Variants in SDCCAG8 observed in about 807,000 individuals in gnomAD.
The protein encoded by SDCCAG8 is SHH signaling and ciliogenesis regulator SDCCAG8.
In SDCCAG8, 74 loss-of-function variants were observed where a neutral mutation model predicts 101.8. The observed-to-expected ratio is 0.73, with a 90% CI of 0.60 to 0.88. The LOEUF is 0.88. Among genes scored for constraint, SDCCAG8 ranks in the 40% least tolerant of loss-of-function variants. The pLI, the probability that SDCCAG8 is intolerant of heterozygous loss-of-function variation, is 0.00. For synonymous variants in SDCCAG8, 281 were observed against 292.9 expected, an observed-to-expected ratio of 0.96 and a Z score of 0.41; for missense variants, 787 against 822.6, an observed-to-expected ratio of 0.96 and a Z score of 0.53.
intron 16 of SDCCAG8, among the ~76,000 whole-genome samples, chr1:243,475,445 C>T (rs1021165087): frequency 6.6e-6 from 1 of 152,098 alleles, no homozygotes; most frequent in Admixed American, 6.5e-5. Context: ...GGCCCCTGCT[C>T]CCCCTTCCCT....
chr1:243,484,802 T>C (rs1664446226), intron 16 of SDCCAG8, among the ~76,000 whole-genome samples: 1 of 152,166 alleles, frequency 6.6e-6, no homozygotes, highest in East Asian at 1.9e-4. Context: ...TCCCAGCACT[T>C]TGGGAGGCCA....
chr1:243,405,485 C>T (rs2079711233), intron 13 of SDCCAG8, among the ~76,000 whole-genome samples: 1 of 152,174 alleles, frequency 6.6e-6, no homozygotes, highest in Non-Finnish European at 1.5e-5. Context: ...TTTCTAGCCA[C>T]TCTATTAAGC....
In SDCCAG8 at chr1:243,267,891, T is replaced by C. The variant is rs184660382; in HGVS notation, c.68-2214T>C. The C allele has an allele frequency of 8.1e-5, 94 of 1,153,800 alleles. No homozygotes were observed. The East Asian group carries it at 2.0e-3, about 25-fold the overall frequency. The allele number at this position is 1,153,800 out of a possible 1,614,324, so 71.5% of individuals were successfully genotyped here. A position where few individuals can be genotyped will look rare whatever the true frequency, so the allele number is the denominator to read the frequency against. ...TCCAGTTTGGCTTTTATGGAAAAGTTGATAAAGTTGGTATCAACGAGGATG... is the reference window on the plus strand; with the variant it reads ...TCCAGTTTGGCTTTTATGGAAAAGTCGATAAAGTTGGTATCAACGAGGATG... On this transcript the variant is annotated intron_variant, in intron 1 of 17. Coordinates refer to ENST00000366541, the MANE Select transcript of SDCCAG8 (RefSeq NM_006642.5).
intron 16 of SDCCAG8, among the ~76,000 whole-genome samples, chr1:243,448,656 C>G (rs1370768524): frequency 6.6e-6 from 1 of 152,224 alleles, no homozygotes; most frequent in Non-Finnish European, 1.5e-5. Context: ...ATGCCACTCT[C>G]TGTGTTACTC....
At chr1:243,467,872 G>GTGTA (rs1660449633) in intron 16 of SDCCAG8, among the ~76,000 whole-genome samples, 2 of 152,208 alleles carry the variant, frequency 1.3e-5, no homozygotes, top group Non-Finnish European at 2.9e-5. Flanking sequence ...ACATGTATGA[G>GTGTA]TGTATGTCAA....
chr1:243,412,371 A>T (rs1157106440), intron 13 of SDCCAG8, among the ~76,000 whole-genome samples: 1 of 152,148 alleles, frequency 6.6e-6, no homozygotes, highest in Non-Finnish European at 1.5e-5. Flanking sequence ...ATAGCTGATG[A>T]GCTAAAAAGG....
chr1:243,339,321 A>G (rs10926995), intron 10 of SDCCAG8, among the ~76,000 whole-genome samples: 66,478 of 152,054 alleles, frequency 0.44, 16,276 homozygotes, highest in East Asian at 0.71. Context: ...AATAAGTAAA[A>G]TATGATTTTT....
chr1:243,480,303 AGT>A (rs1663215630), intron 16 of SDCCAG8, among the ~76,000 whole-genome samples: 1 of 99,966 alleles, frequency 1.0e-5, no homozygotes, highest in South Asian at 3.4e-4. Flanking sequence ...TGGATGGATG[AGT>A]GGGATGGATG....
At chr1:243,299,887 C>CTTTTT (rs2071330482) in intron 6 of SDCCAG8, among the ~76,000 whole-genome samples, 1 of 144,670 alleles carries the variant, frequency 6.9e-6, no homozygotes, top group African/African-American at 2.6e-5. Context: ...TTTTTTGAGA[C>CTTTTT]GGAGTCTCAC....
Position 243,458,407 on chromosome 1 carries a change from T to C in SDCCAG8, c.1986-30607T>C, listed in dbSNP as rs560581753. Among the ~76,000 whole-genome samples the C allele has an allele frequency of 6.6e-6, 1 of 151,724 alleles. No individual in the cohort carries two copies. Among genetic ancestry groups the C allele is most frequent in the South Asian group, 2.1e-4 (1 of 4,828 alleles). ...ATATAATATATAATTATGTAAGATA[T>C]AATAAATATATAATAATCGTCATTG... On this transcript the variant is annotated intron_variant, in intron 16 of 17. Coordinates refer to ENST00000366541, the MANE Select transcript of SDCCAG8 (RefSeq NM_006642.5). This position sits in a 1 kb window ranked among gnomAD's most constrained non-coding sequence, Gnocchi z 4.5.
In SDCCAG8 at chr1:243,372,261, G is replaced by A. The variant is rs146635535; in HGVS notation, c.1474-6460G>A. ...ATCCACCAGTTCCTTCTTTTAACTT[G>A]CGAGGATTTTTGGATCTAGTCTTCT... On this transcript the variant is annotated intron_variant, in intron 12 of 17. Transcript: ENST00000366541. Among the ~76,000 whole-genome samples the A allele has an allele frequency of 4.2e-3, 645 of 152,104 alleles. 4 individuals are homozygous for A. Among genetic ancestry groups the A allele is most frequent in the African/African-American group, 0.015 (623 of 41,508 alleles).
At chr1:243,448,115 C>T (rs555745416) in intron 16 of SDCCAG8, among the ~76,000 whole-genome samples, 2 of 152,170 alleles carry the variant, frequency 1.3e-5, no homozygotes, top group Non-Finnish European at 2.9e-5. Flanking sequence ...CTGCTGCAGG[C>T]ACCCGCATTG....
intron 6 of SDCCAG8, among the ~76,000 whole-genome samples, chr1:243,300,269 T>G (rs2071375170): frequency 6.6e-6 from 1 of 152,204 alleles, no homozygotes; most frequent in Non-Finnish European, 1.5e-5. Context: ...CCCAGGATTA[T>G]TTTTAGTGTA....
At chr1:243,306,022 G>A (rs1292561674) in intron 7 of SDCCAG8, 5 of 146,162 alleles carry the variant, frequency 3.4e-5, no homozygotes, top group African/African-American at 9.9e-5. Flanking sequence ...GGAGATAGAG[G>A]TTGCAGTGAG....
chr1:243,304,775 G>A lies in SDCCAG8; in HGVS notation c.738G>A (p.Leu246=). The change falls in exon 7 of 18, where the codon TTG becomes TTA. Residue 246 remains leucine (L), a splice_region_variant and synonymous_variant. Coordinates refer to ENST00000366541, the MANE Select transcript of SDCCAG8 (RefSeq NM_006642.5). ...TTGAGGAATCCCAATTGAAGTTTTT[G>A]AGGTAAAGTGAAATCGTCCATTTAT... ...CEIEESQLKF[L]RNDLAEYQRT... The A allele has an allele frequency of 6.4e-7, 1 of 1,569,346 alleles. No homozygotes were observed. The highest frequency in any genetic ancestry group is 8.8e-7 in the Non-Finnish European group (1 of 1,139,492).
At chr1:243,327,181 G>A (rs551110980) in intron 9 of SDCCAG8, among the ~76,000 whole-genome samples, 20 of 151,902 alleles carry the variant, frequency 1.3e-4, no homozygotes, top group Admixed American at 6.6e-4. Context: ...AATAACAGCC[G>A]CAGGCCCCAA....
chr1:243,267,283 A>T, intron 1 of SDCCAG8: 1 of 209,594 alleles, frequency 4.8e-6, no homozygotes, highest in South Asian at 7.2e-5. Flanking sequence ...GAATTCCAGG[A>T]ATCTTATGGA....
chr1:243,350,023 T>C (rs1034591635), intron 12 of SDCCAG8, among the ~76,000 whole-genome samples: 20 of 152,092 alleles, frequency 1.3e-4, no homozygotes, highest in African/African-American at 4.8e-4. Context: ...GATTTGAGGG[T>C]TGCTCATATC....
At chr1:243,310,633 A>G (rs913862341) in intron 8 of SDCCAG8, among the ~76,000 whole-genome samples, 2 of 152,222 alleles carry the variant, frequency 1.3e-5, no homozygotes, top group African/African-American at 4.8e-5. Flanking sequence ...GGAAAAAAAG[A>G]TACATTTGTT....
Sources: gnomAD v4.1 joint callset for allele counts (sites outside exome capture counted in the v4.1 genomes callset) on GRCh38, gnomAD v4.1.1 for gene constraint, Gnocchi (gnomAD v3.1) non-coding constraint, MANE v1.5 for transcripts, NCBI Gene and HGNC (gene_info 2026-07-23, HGNC 2026-07-21) for gene names.